The following TBC1D32 variants were observed in gnomAD, a reference collection of about 807,000 sequenced individuals.
The protein encoded by TBC1D32 is protein broad-minded.
A neutral mutation model predicts 170.3 loss-of-function variants in TBC1D32; 151 were observed. That is an observed-to-expected ratio of 0.89 (90% CI 0.78 to 1.01). The LOEUF is 1.01. TBC1D32 is among the 50% of genes least tolerant of loss of function. TBC1D32 has a pLI of 0.00. For missense variants in TBC1D32, 1,464 were observed against 1,457.1 expected, an observed-to-expected ratio of 1.00 and a Z score of -0.08; for synonymous variants, 498 against 488.0, an observed-to-expected ratio of 1.02 and a Z score of -0.27.
intron 22 of TBC1D32, among the ~76,000 whole-genome samples, chr6:121,187,417 G>C (rs1789340842): frequency 6.6e-6 from 1 of 152,042 alleles, no homozygotes; most frequent in African/African-American, 2.4e-5. Context: ...CTTAATTCTA[G>C]TACCTCTGGA....
At chr6:121,188,809 C>A (rs1455184580) in intron 22 of TBC1D32, among the ~76,000 whole-genome samples, 1 of 152,080 alleles carries the variant, frequency 6.6e-6, no homozygotes, top group African/African-American at 2.4e-5. Flanking sequence ...TAGTAGACAT[C>A]ACACAGACCA....
At chr6:121,261,929 G>C (rs1166493857) in intron 15 of TBC1D32, among the ~76,000 whole-genome samples, 1 of 31,714 alleles carries the variant, frequency 3.2e-5, no homozygotes, top group Non-Finnish European at 1.1e-4. Flanking sequence ...AGCTTAGAGA[G>C]GAACATTTTA....
chr6:121,247,522 G>A (rs1352811091), intron 17 of TBC1D32, among the ~76,000 whole-genome samples: 1 of 151,660 alleles, frequency 6.6e-6, no homozygotes, highest in Non-Finnish European at 1.5e-5. Flanking sequence ...CAAAGAAACA[G>A]AGTAGGAGAA....
chr6:121,211,735 TA>T (rs1360499444), intron 21 of TBC1D32, among the ~76,000 whole-genome samples: 1 of 152,072 alleles, frequency 6.6e-6, no homozygotes, highest in East Asian at 1.9e-4. Context: ...CCCATACAAG[TA>T]AAATGCTGTG....
At chr6:121,083,522 T>C (rs1775861797) in intron 31 of TBC1D32, among the ~76,000 whole-genome samples, 1 of 152,132 alleles carries the variant, frequency 6.6e-6, no homozygotes, top group Non-Finnish European at 1.5e-5. Context: ...TAATATGGTA[T>C]ATACGTAGTT....
intron 12 of TBC1D32, among the ~76,000 whole-genome samples, chr6:121,288,363 T>C (rs147404258): frequency 0.033 from 4,981 of 152,228 alleles, 192 homozygotes; most frequent in East Asian, 0.12. Context: ...CATCAGAGAA[T>C]ACTATAAACA....
intron 25 of TBC1D32, among the ~76,000 whole-genome samples, chr6:121,127,529 T>C (rs542033938): frequency 6.6e-6 from 1 of 152,288 alleles, no homozygotes; most frequent in South Asian, 2.1e-4. Context: ...TTGCTTAGAC[T>C]GGTTCTATCT....
chr6:121,152,558 G>A (rs1784355160), intron 24 of TBC1D32, among the ~76,000 whole-genome samples: 1 of 152,122 alleles, frequency 6.6e-6, no homozygotes. Context: ...TTGCTAGGTT[G>A]GGGAAGGGTT....
In TBC1D32 at chr6:121,332,871, G is replaced by T. The variant is rs1811387276; in HGVS notation, c.155+1405C>A. On this transcript the variant is annotated intron_variant, in intron 1 of 31. Coordinates refer to ENST00000398212, the MANE Select transcript of TBC1D32 (RefSeq NM_152730.6). ...GTGAATTTAATGAGAAAATAAACAA[G>T]AAAATCATGGAAATACAAAAGAAAA... Among the ~76,000 whole-genome samples, 3 of 151,932 alleles carry T rather than the reference G, an allele frequency of 2.0e-5. No homozygotes were observed. The South Asian group carries it at 6.2e-4, about 31-fold the overall frequency.
intron 3 of TBC1D32, among the ~76,000 whole-genome samples, chr6:121,312,769 G>T (rs1373446226): frequency 6.6e-6 from 1 of 152,160 alleles, no homozygotes; most frequent in African/African-American, 2.4e-5. Context: ...TTTAAATCAA[G>T]AGAAAAATAA....
chr6:121,179,779 T>G (rs899306562), intron 22 of TBC1D32, among the ~76,000 whole-genome samples: 3 of 152,184 alleles, frequency 2.0e-5, no homozygotes, highest in African/African-American at 7.2e-5. Context: ...TTATCACTAC[T>G]TATCAAGTGC....
intron 12 of TBC1D32, among the ~76,000 whole-genome samples, chr6:121,286,814 C>T (rs1394472366): frequency 6.6e-6 from 1 of 152,222 alleles, no homozygotes; most frequent in Admixed American, 6.5e-5. Context: ...TCAGCAGAAA[C>T]TCTACAAGCC....
intron 24 of TBC1D32, among the ~76,000 whole-genome samples, chr6:121,137,020 T>C (rs1462745050): frequency 6.6e-6 from 1 of 152,106 alleles, no homozygotes; most frequent in Non-Finnish European, 1.5e-5. Flanking sequence ...AGAACTCTAA[T>C]GACTATATTA....
At position 121,242,243 on chromosome 6, in the gene TBC1D32, T is replaced by A. The variant is rs1254289093; in HGVS notation, c.2115A>T (p.Glu705Asp). Reference protein sequence around the residue: ...LLLQRTGAINECVTFIFNRYA... With the variant: ...LLLQRTGAINDCVTFIFNRYA... ...ATCGATTGAATATAAATGTCACACATTCATTGATAGCACCTGTTCTTTGAA... is the reference window on the plus strand; with the variant it reads ...ATCGATTGAATATAAATGTCACACAATCATTGATAGCACCTGTTCTTTGAA... The change falls in exon 18 of 32, where the codon GAA (glutamate) becomes GAT (aspartate). Residue 705 changes from glutamate (E) to aspartate (D), a missense_variant. Physicochemically the swap from Glu to Asp is conservative, Grantham distance 45. Transcript: ENST00000398212. 5 of 1,612,590 alleles carry A rather than the reference T, an allele frequency of 3.1e-6. No individual in the cohort carries two copies. The highest frequency in any genetic ancestry group is 4.2e-6 in the Non-Finnish European group (5 of 1,179,248).
intron 21 of TBC1D32, among the ~76,000 whole-genome samples, chr6:121,206,534 T>C (rs1458861302): frequency 6.6e-6 from 1 of 152,112 alleles, no homozygotes; most frequent in Non-Finnish European, 1.5e-5. Context: ...AAGAAAATAA[T>C]AGATATTTCA....
At chr6:121,169,424 C>A (rs1488538942) in intron 22 of TBC1D32, among the ~76,000 whole-genome samples, 1 of 152,048 alleles carries the variant, frequency 6.6e-6, no homozygotes, top group African/African-American at 2.4e-5. Flanking sequence ...CAATGTATTT[C>A]TTAAAATACA....
At chr6:121,289,724 C>T (rs1193435172) in intron 12 of TBC1D32, among the ~76,000 whole-genome samples, 1 of 152,108 alleles carries the variant, frequency 6.6e-6, no homozygotes, top group Non-Finnish European at 1.5e-5. Context: ...AAGCTGGAGG[C>T]ATCAGGCTAC....
rs553565391 is a variant in TBC1D32 at position 121,309,934 on chromosome 6, T to G, written c.564+845A>C. On this transcript the variant is annotated intron_variant, in intron 4 of 31. Transcript: ENST00000398212. ...CTGTAGTCACAGCTACTTAGAAGGC[T>G]GAGGTGGGAAAATCACCTGAGCCTG... Among the ~76,000 whole-genome samples the G allele has an allele frequency of 1.7e-4, 26 of 152,168 alleles. 1 individual carries two copies. In the South Asian group the frequency reaches 4.8e-3, roughly 28 times the overall value.
chr6:121,265,108 G>A (rs1800295614), intron 15 of TBC1D32, among the ~76,000 whole-genome samples: 1 of 152,132 alleles, frequency 6.6e-6, no homozygotes, highest in Non-Finnish European at 1.5e-5. Flanking sequence ...CAAATAGGAA[G>A]AGAGGAAGTC....
Sources: gnomAD v4.1 joint callset for allele counts (sites outside exome capture counted in the v4.1 genomes callset) on GRCh38, gnomAD v4.1.1 for gene constraint, MANE v1.5 for transcripts, NCBI Gene and HGNC (gene_info 2026-07-23, HGNC 2026-07-21) for gene names.